Variants in CREB5 observed in about 807,000 individuals in gnomAD.
CREB5 encodes cAMP responsive element binding protein 5, also known as cyclic AMP-responsive element-binding protein 5.
Under a neutral mutation model 57.1 loss-of-function variants are expected in CREB5, and 19 were observed. That is an observed-to-expected ratio of 0.33 (90% CI 0.23 to 0.49). The LOEUF is 0.49. Ranked by LOEUF, CREB5 falls within the 20% of genes least tolerant of loss-of-function variation. The pLI is 0.99. For missense variants in CREB5, 579 were observed against 671.6 expected (o/e 0.86, Z 1.52); for synonymous variants, 238 against 238.3 (o/e 1.00, Z 0.01).
chr7:28,439,131 A>C (rs1273692971), intron 1 of CREB5, among the ~76,000 whole-genome samples: 1 of 152,150 alleles, frequency 6.6e-6, no homozygotes, highest in African/African-American at 2.4e-5. Flanking sequence ...GTGATGCTTT[A>C]TGTCTACATC....
intron 1 of CREB5, among the ~76,000 whole-genome samples, chr7:28,465,018 A>G (rs1790506005): frequency 6.6e-6 from 1 of 152,218 alleles, no homozygotes. Context: ...AACTATTAGT[A>G]GGGGTACTCC....
intron 4 of CREB5, among the ~76,000 whole-genome samples, chr7:28,558,879 T>A (rs940759545): frequency 6.6e-6 from 1 of 152,204 alleles, no homozygotes; most frequent in African/African-American, 2.4e-5. Context: ...TTTTAGTAAC[T>A]TGGCCAATTT....
At chr7:28,491,301 TA>T (rs1791795927) in intron 2 of CREB5, 1 of 972,914 alleles carries the variant, frequency 1.0e-6, no homozygotes, top group Non-Finnish European at 1.2e-6. Flanking sequence ...CCCCAGAAGA[TA>T]AAGGGTGTAG....
chr7:28,343,545 G>T (rs962481888), intron 1 of CREB5, among the ~76,000 whole-genome samples: 12 of 150,558 alleles, frequency 8.0e-5, no homozygotes, highest in Non-Finnish European at 1.5e-4. Flanking sequence ...ATTTTTAATG[G>T]CCAAATCATA....
At chr7:28,431,982 C>CTTTTTTTTTTTTTTTTTT (rs34222908) in intron 1 of CREB5, among the ~76,000 whole-genome samples, 1 of 124,912 alleles carries the variant, frequency 8.0e-6, no homozygotes. Flanking sequence ...ACAGCTATGC[C>CTTTTTTTTTTTTTTTTTT]TTTTTTTTTT....
chr7:28,605,774 G>A (rs770432095), intron 5 of CREB5, among the ~76,000 whole-genome samples: 114 of 28,116 alleles, frequency 4.1e-3, no homozygotes, highest in Non-Finnish European at 5.2e-3. Context: ...AGACAAGCCA[G>A]ACACAAGAGT....
chr7:28,332,219 C>T (rs193262110), intron 1 of CREB5, among the ~76,000 whole-genome samples: 75 of 152,260 alleles, frequency 4.9e-4, no homozygotes, highest in Admixed American at 1.8e-3. Context: ...GCGATTCTCC[C>T]GAGAACCTCT....
chr7:28,348,104 A>G (rs1786104245), intron 1 of CREB5, among the ~76,000 whole-genome samples: 1 of 152,080 alleles, frequency 6.6e-6, no homozygotes, highest in Non-Finnish European at 1.5e-5. Context: ...TCCTTGTGTT[A>G]TTCAGCCGAA....
chr7:28,784,726 A>T (rs1162348718), intron 7 of CREB5, among the ~76,000 whole-genome samples: 1 of 152,012 alleles, frequency 6.6e-6, no homozygotes, highest in Admixed American at 6.6e-5. Flanking sequence ...TTGTTAAGGG[A>T]TGGGGGTGTG....
chr7:28,663,420 G>T (rs555241810), intron 5 of CREB5, among the ~76,000 whole-genome samples: 2 of 152,174 alleles, frequency 1.3e-5, no homozygotes, highest in East Asian at 3.9e-4. Flanking sequence ...GCCCAGGCTG[G>T]TCTCAAACTC....
At chr7:28,316,723 A>G (rs1039806456) in intron 1 of CREB5, among the ~76,000 whole-genome samples, 1 of 152,174 alleles carries the variant, frequency 6.6e-6, no homozygotes, top group African/African-American at 2.4e-5. Context: ...TTTCTAGCTG[A>G]AAATTCTACT....
intron 1 of CREB5, among the ~76,000 whole-genome samples, chr7:28,418,946 T>C (rs999642253): frequency 2.6e-5 from 4 of 152,360 alleles, no homozygotes; most frequent in Non-Finnish European, 4.4e-5. Context: ...TTTCGGGTGC[T>C]TTCCCATGCA....
intron 5 of CREB5, among the ~76,000 whole-genome samples, chr7:28,613,426 C>G (rs41282): frequency 1.3e-5 from 2 of 152,096 alleles, no homozygotes; most frequent in African/African-American, 4.8e-5. Flanking sequence ...CATTGCCACC[C>G]GGCTTGAGCC....
chr7:28,646,504 C>T (rs1798894486), intron 5 of CREB5, among the ~76,000 whole-genome samples: 1 of 152,184 alleles, frequency 6.6e-6, no homozygotes, highest in African/African-American at 2.4e-5. Context: ...CTTGCACCAT[C>T]TCTGCACTGA....
intron 1 of CREB5, among the ~76,000 whole-genome samples, chr7:28,400,249 G>A (rs925790279): frequency 6.6e-6 from 1 of 152,136 alleles, no homozygotes; most frequent in African/African-American, 2.4e-5. Context: ...TATTACCTGC[G>A]TGACCTTATT....
At chr7:28,506,417 G>C (rs1437535125) in intron 3 of CREB5, among the ~76,000 whole-genome samples, 1 of 152,212 alleles carries the variant, frequency 6.6e-6, no homozygotes, top group Non-Finnish European at 1.5e-5. Flanking sequence ...TTTTGAGACA[G>C]TCTAGATCAA....
At chr7:28,492,428 C>T (rs528957741) in intron 2 of CREB5, among the ~76,000 whole-genome samples, 11 of 152,280 alleles carry the variant, frequency 7.2e-5, no homozygotes, top group African/African-American at 2.2e-4. Flanking sequence ...AAATGAACCA[C>T]GTTCTGAATT....
intron 1 of CREB5, among the ~76,000 whole-genome samples, chr7:28,479,314 C>A (rs1225840400): frequency 6.6e-6 from 1 of 152,192 alleles, no homozygotes; most frequent in Non-Finnish European, 1.5e-5. Context: ...GGCCCCTTCC[C>A]ACTAAATGCC....
At chr7:28,743,843 T>C (rs1277832781) in intron 7 of CREB5, among the ~76,000 whole-genome samples, 12 of 141,984 alleles carry the variant, frequency 8.5e-5, no homozygotes, top group Non-Finnish European at 1.7e-4. Flanking sequence ...CTTTTCTTTT[T>C]TTTTTTTTTT....
Sources: gnomAD v4.1 joint callset for allele counts (sites outside exome capture counted in the v4.1 genomes callset) on GRCh38, gnomAD v4.1.1 for gene constraint, MANE v1.5 for transcripts, NCBI Gene and HGNC (gene_info 2026-07-23, HGNC 2026-07-21) for gene names.